PDZD2: variants seen among roughly 807,000 people sequenced by gnomAD.
PDZD2 encodes the protein PDZ domain containing 2.
A neutral mutation model predicts 220.7 loss-of-function variants in PDZD2; 90 were observed. The ratio of observed to expected loss-of-function variants is 0.41; its 90% confidence interval spans 0.34 to 0.49. PDZD2 has a LOEUF of 0.49. Ranked by LOEUF, PDZD2 falls within the 20% of genes least tolerant of loss-of-function variation. The pLI is 0.28. For missense variants in PDZD2, 3,174 were observed against 3,608.5 expected (o/e 0.88, Z 3.08); for synonymous variants, 1,375 against 1,450.5 (o/e 0.95, Z 1.18).
chr5:31,849,147 G>C (rs1393375279), intron 2 of PDZD2, among the ~76,000 whole-genome samples: 1 of 152,166 alleles, frequency 6.6e-6, no homozygotes, highest in Non-Finnish European at 1.5e-5. Context: ...TTTTCAGTCA[G>C]TTTGGCCAAT....
At chr5:31,778,497 T>C (rs1401525243) in intron 1 of PDZD2, among the ~76,000 whole-genome samples, 1 of 151,412 alleles carries the variant, frequency 6.6e-6, no homozygotes, top group Non-Finnish European at 1.5e-5. Context: ...TGAACAACTC[T>C]GGACGGGAGG....
chr5:31,801,578 A>T (rs986656719), intron 2 of PDZD2, among the ~76,000 whole-genome samples: 10 of 152,124 alleles, frequency 6.6e-5, no homozygotes, highest in Admixed American at 6.6e-4. Context: ...CAGGGAGGGG[A>T]CATCCAGCAG....
intron 2 of PDZD2, among the ~76,000 whole-genome samples, chr5:31,842,542 C>T (rs936466948): frequency 4.6e-5 from 7 of 152,202 alleles, no homozygotes; most frequent in African/African-American, 1.7e-4. Flanking sequence ...CCTAATAGAG[C>T]AACTGCTATC....
At chr5:31,687,880 CCTT>C (rs1169676472) in intron 1 of PDZD2, among the ~76,000 whole-genome samples, 1 of 152,148 alleles carries the variant, frequency 6.6e-6, no homozygotes, top group African/African-American at 2.4e-5. Flanking sequence ...ACCTTAATCA[CCTT>C]CTTCTTGTCC....
At position 31,864,771 on chromosome 5, in the gene PDZD2, A is replaced by G. The variant is rs190256726; in HGVS notation, c.476+65047A>G. Among the ~76,000 whole-genome samples, 728 of 145,086 alleles carry G rather than the reference A, an allele frequency of 5.0e-3. 5 individuals are homozygous for G. Among genetic ancestry groups the G allele is most frequent in the African/African-American group, 0.018 (690 of 38,868 alleles). On this transcript the variant is annotated intron_variant, in intron 2 of 24. Transcript: ENST00000438447. ...ACCTCAGGTGATCTCACCTCAGACT[A>G]CCAAAGTGCTGGGATTATAGGCATG...
At chr5:32,031,221 GA>G (rs1234517107) in intron 6 of PDZD2, among the ~76,000 whole-genome samples, 5 of 152,164 alleles carry the variant, frequency 3.3e-5, no homozygotes, top group Non-Finnish European at 5.9e-5. Flanking sequence ...GAACCGTCAA[GA>G]GTCTTTTCCA....
chr5:32,077,576 G>A lies in PDZD2; in HGVS notation c.3652G>A (p.Ala1218Thr). 1 of 1,614,144 alleles carries A rather than the reference G, an allele frequency of 6.2e-7. No homozygotes were observed. The highest frequency in any genetic ancestry group is 8.5e-7 in the Non-Finnish European group (1 of 1,180,022). Residue 1218 changes from alanine (A) to threonine (T), a missense_variant, in exon 19 of 25, where the codon GCA becomes ACA. Around this residue, in one of 4 missense-constraint regions of PDZD2, gnomAD observed 1,861 missense variants for 2,001.0 expected, o/e 0.93. Transcript: ENST00000438447. Reference sequence around the variant, plus strand: ...CCTCACAGAGAACCTGCCCAAAGCTGCATCAGAGCTGGGGCAACAACCCAT... The same window carrying A: ...CCTCACAGAGAACCTGCCCAAAGCTACATCAGAGCTGGGGCAACAACCCAT... ...SHLTENLPKA[A>T]SELGQQPMTE...
intron 2 of PDZD2, among the ~76,000 whole-genome samples, chr5:31,865,029 A>C (rs1357348259): frequency 1.3e-5 from 2 of 151,130 alleles, no homozygotes; most frequent in Admixed American, 6.6e-5. Flanking sequence ...TTGTATTTTT[A>C]GTAGAGACGG....
chr5:31,914,247 C>T (rs1484901777), intron 2 of PDZD2, among the ~76,000 whole-genome samples: 3 of 152,188 alleles, frequency 2.0e-5, no homozygotes, highest in Non-Finnish European at 4.4e-5. Flanking sequence ...AGATTCTGAT[C>T]CTGGCCGGGC....
intron 2 of PDZD2, among the ~76,000 whole-genome samples, chr5:31,910,993 T>C (rs1743154986): frequency 6.6e-6 from 1 of 152,194 alleles, no homozygotes; most frequent in African/African-American, 2.4e-5. Flanking sequence ...CCCATTGATA[T>C]GAGATAATTG....
intron 10 of PDZD2, among the ~76,000 whole-genome samples, chr5:32,054,312 CTT>C (rs57135705): frequency 8.2e-4 from 57 of 69,322 alleles, no homozygotes; most frequent in African/African-American, 3.0e-3. Context: ...AAATGAACAT[CTT>C]TTTTTTTTTT....
intron 4 of PDZD2, among the ~76,000 whole-genome samples, chr5:31,997,845 T>C (rs1751762178): frequency 6.6e-6 from 1 of 152,094 alleles, no homozygotes; most frequent in Non-Finnish European, 1.5e-5. Flanking sequence ...GTGGGGATGG[T>C]CTTTTTTTCT....
intron 2 of PDZD2, among the ~76,000 whole-genome samples, chr5:31,935,190 A>T (rs1745618308): frequency 6.6e-6 from 1 of 152,170 alleles, no homozygotes; most frequent in African/African-American, 2.4e-5. Flanking sequence ...GGACCTTGTG[A>T]GTATTGGAAT....
chr5:31,777,536 T>TTATGGCC (rs1361942921), intron 1 of PDZD2, among the ~76,000 whole-genome samples: 2 of 152,260 alleles, frequency 1.3e-5, no homozygotes, highest in Non-Finnish European at 2.9e-5. Flanking sequence ...AGCTCTGCCC[T>TTATGGCC]TATGGCCCCC....
chr5:31,786,967 A>T (rs1753416615), intron 1 of PDZD2, among the ~76,000 whole-genome samples: 1 of 152,242 alleles, frequency 6.6e-6, no homozygotes, highest in Non-Finnish European at 1.5e-5. Flanking sequence ...TTTGTAAAAT[A>T]TCTATCCTGT....
chr5:31,928,491 T>TC (rs1328669617), intron 2 of PDZD2, among the ~76,000 whole-genome samples: 2 of 152,274 alleles, frequency 1.3e-5, no homozygotes, highest in East Asian at 3.9e-4. Flanking sequence ...ATTTTTTTTT[T>TC]TTGAGTCAGA....
intron 2 of PDZD2, among the ~76,000 whole-genome samples, chr5:31,878,912 A>G (rs913402458): frequency 1.7e-4 from 26 of 152,052 alleles, no homozygotes; most frequent in African/African-American, 6.3e-4. Flanking sequence ...CAGTGTTTAA[A>G]TATCTGTTAT....
chr5:31,988,062 G>A (rs1286992298), intron 3 of PDZD2, among the ~76,000 whole-genome samples: 1 of 152,052 alleles, frequency 6.6e-6, no homozygotes, highest in African/African-American at 2.4e-5. Flanking sequence ...CCGGGACATC[G>A]CCCCACTCCT....
intron 1 of PDZD2, among the ~76,000 whole-genome samples, chr5:31,714,314 A>T (rs1359229403): frequency 6.6e-6 from 1 of 152,252 alleles, no homozygotes; most frequent in South Asian, 2.1e-4. Context: ...CTGATGCATG[A>T]GTGATTCCTA....
Sources: allele counts gnomAD v4.1 joint callset (sites outside exome capture counted in the v4.1 genomes callset), GRCh38; gene constraint gnomAD v4.1.1; regional missense constraint gnomAD v4.1.1; transcripts MANE v1.5; gene names NCBI Gene and HGNC (gene_info 2026-07-23, HGNC 2026-07-21).